Variants in ANK3 observed in about 807,000 individuals in gnomAD.
ANK3 encodes ankyrin 3.
Under a neutral mutation model 370.9 loss-of-function variants are expected in ANK3, and 57 were observed. The ratio of observed to expected loss-of-function variants is 0.15; its 90% CI spans 0.12 to 0.19. The LOEUF (loss-of-function observed/expected upper bound fraction) is 0.19. Among genes scored for constraint, ANK3 ranks in the 10% least tolerant of loss-of-function variants. The probability of loss-of-function intolerance (pLI) is 1.00; values close to 1 mark genes in which losing one functional copy is unlikely to be tolerated. For missense variants in ANK3, 4,439 were observed against 5,302.1 expected (o/e 0.84, Z 5.06); for synonymous variants, 1,929 against 1,946.3 (o/e 0.99, Z 0.23).
At chr10:60,418,361 C>A (rs959659609) in intron 2 of ANK3, among the ~76,000 whole-genome samples, 6 of 152,162 alleles carry the variant, frequency 3.9e-5, no homozygotes, top group Non-Finnish European at 7.3e-5. Flanking sequence ...CCCTCATCTG[C>A]TACACCTGCG....
At chr10:60,348,519 G>C (rs933690642) in intron 1 of ANK3, among the ~76,000 whole-genome samples, 1 of 152,092 alleles carries the variant, frequency 6.6e-6, no homozygotes, top group Non-Finnish European at 1.5e-5. Context: ...AAACAAATTA[G>C]ATATTTAACT....
intron 1 of ANK3, among the ~76,000 whole-genome samples, chr10:60,653,403 T>A (rs965440241): frequency 4.6e-5 from 7 of 152,200 alleles, no homozygotes; most frequent in Non-Finnish European, 1.0e-4. Flanking sequence ...AGTATTTTTT[T>A]AAAAGACTTT....
Position 60,278,825 on chromosome 10 carries a change from C to A in ANK3, c.363G>T (p.Glu121Asp). The A allele has an allele frequency of 6.2e-7, 1 of 1,613,992 alleles. No homozygotes were observed. The highest frequency in any genetic ancestry group is 8.5e-7 in the Non-Finnish European group (1 of 1,179,948). Residue 121 changes from glutamate to aspartate, a missense_variant, in exon 4 of 44, where the codon GAG becomes GAT. Physicochemically the swap from Glu to Asp is conservative, Grantham distance 45. Coordinates refer to ENST00000280772, the MANE Select transcript of ANK3 (RefSeq NM_020987.5). ...LHIASLAGQA[E>D]VVKVLVTNGA... ...CATTTGTAACCAAGACTTTTACCAC[C>A]TCTGCTTGCCCAGCCAAAGATGCGA...
At chr10:60,033,414 C>A (rs929301137) in intron 43 of ANK3, among the ~76,000 whole-genome samples, 3 of 146,896 alleles carry the variant, frequency 2.0e-5, no homozygotes, top group African/African-American at 7.6e-5. Flanking sequence ...ACTCAGGAGG[C>A]TGAGGCAGGA....
rs560531208 is a variant in ANK3 at position 60,173,050 on chromosome 10, A to G, written c.2283+38T>C. 1.6e-5 allele frequency: 26 copies of G among 1,609,480 alleles called. No individual in the cohort carries two copies. The East Asian group carries it at 5.8e-4, about 36-fold the overall frequency. ...TTCTTAATTCCTTTGAAGCAAAAAT[A>G]AATGATTCTGGCAGAAACAAAAAAG... On this transcript the variant is annotated intron_variant, in intron 19 of 43. Transcript: ENST00000280772.
At chr10:60,511,656 T>A (rs1199836625) in intron 2 of ANK3, among the ~76,000 whole-genome samples, 2 of 152,104 alleles carry the variant, frequency 1.3e-5, no homozygotes, top group Admixed American at 6.6e-5. Context: ...CAGCCTCTTA[T>A]GACACACATT....
At chr10:60,104,951 G>T (rs1000318668) in intron 28 of ANK3, among the ~76,000 whole-genome samples, 3 of 152,130 alleles carry the variant, frequency 2.0e-5, no homozygotes, top group Admixed American at 6.6e-5. Flanking sequence ...TTTGCCCAAG[G>T]TCATTCCTCA....
chr10:60,084,560 G>T, intron 32 of ANK3, 42 bp downstream of exon 32: 1 of 1,484,882 alleles, frequency 6.7e-7, no homozygotes, highest in East Asian at 2.3e-5. Flanking sequence ...CCTCATATCT[G>T]GAGTACGTAA....
chr10:60,712,664 T>A (rs919511155), intron 1 of ANK3, among the ~76,000 whole-genome samples: 1 of 152,120 alleles, frequency 6.6e-6, no homozygotes, highest in Non-Finnish European at 1.5e-5. Flanking sequence ...AGACAGAGAC[T>A]GTTAGAATGA....
intron 18 of ANK3, among the ~76,000 whole-genome samples, chr10:60,176,328 G>A (rs2132326302): frequency 7.4e-6 from 1 of 135,210 alleles, no homozygotes; most frequent in Admixed American, 8.2e-5. Flanking sequence ...TCATGCCCAT[G>A]TACTCCAGCC....
In ANK3 at chr10:60,667,796, C is replaced by T. The variant is rs78921996; in HGVS notation, c.58-52572G>A. Among the ~76,000 whole-genome samples the T allele has an allele frequency of 2.3e-3, 350 of 151,482 alleles. 4 individuals carry two copies. The East Asian group carries it at 0.023, about 10-fold the overall frequency. On this transcript the variant is annotated intron_variant, in intron 1 of 43. Coordinates refer to the ANK3 transcript ENST00000373827. ...TGGTCAATCCTCAGCTCAGTTCTATCCTCAATAATTTGTATCAGTGTCCCT... is the reference window on the plus strand; with the variant it reads ...TGGTCAATCCTCAGCTCAGTTCTATTCTCAATAATTTGTATCAGTGTCCCT...
intron 6 of ANK3, among the ~76,000 whole-genome samples, chr10:60,262,988 G>A (rs954081228): frequency 6.6e-6 from 1 of 152,188 alleles, no homozygotes; most frequent in African/African-American, 2.4e-5. Context: ...GGGGAGAGGA[G>A]GGATTGGGGA....
In ANK3 at chr10:60,043,786, A is replaced by T. The variant is rs2076509117; in HGVS notation, c.13066-1027T>A. ...AGCACTGCTCTGAGGTTTGGTGGTG[A>T]ATGGTGAAGGTTTTATCTTCTTTCT... On this transcript the variant is annotated intron_variant, in intron 42 of 43. Transcript: ENST00000280772. 3 of 985,394 alleles carry T rather than the reference A, an allele frequency of 3.0e-6. No homozygotes were observed. In the South Asian group the frequency reaches 1.4e-4, roughly 46 times the overall value. 61.0% of individuals were successfully genotyped at this position (985,394 alleles called of 1,614,324 possible). A position where few individuals can be genotyped will look rare whatever the true frequency, so the allele number is the denominator to read the frequency against.
intron 21 of ANK3, among the ~76,000 whole-genome samples, chr10:60,171,775 T>C (rs529459249): frequency 6.6e-6 from 1 of 152,320 alleles, no homozygotes; most frequent in South Asian, 2.1e-4. Context: ...AAACAGCCTA[T>C]TGTGTTTCTT....
intron 16 of ANK3, among the ~76,000 whole-genome samples, chr10:60,188,034 T>C (rs1402152032): frequency 6.6e-6 from 1 of 152,204 alleles, no homozygotes; most frequent in African/African-American, 2.4e-5. Flanking sequence ...TGTTTATTTA[T>C]CTGTCCCCTC....
intron 1 of ANK3, among the ~76,000 whole-genome samples, chr10:60,338,904 G>A (rs146544559): frequency 3.6e-4 from 55 of 151,956 alleles, no homozygotes; most frequent in East Asian, 1.8e-3. Context: ...TTACCTGAAA[G>A]TTTTGTTTGT....
chr10:60,390,779 A>C (rs1369183940), upstream of ANK3, among the ~76,000 whole-genome samples: 1 of 132,062 alleles, frequency 7.6e-6, no homozygotes. Context: ...CAACAATTTC[A>C]CCAAGAAAAT....
Position 60,063,201 on chromosome 10 carries a change from G to A in ANK3, c.12505C>T (p.Leu4169=), listed in dbSNP as rs1157634919. 5.6e-6 allele frequency: 9 copies of A among 1,613,362 alleles called. No individual in the cohort carries two copies. The highest frequency in any genetic ancestry group is 7.6e-6 in the Non-Finnish European group (9 of 1,179,774). The change falls in exon 40 of 44, where the codon CTG becomes TTG. Residue 4169 remains leucine (L), a synonymous_variant. Transcript: ENST00000280772. ...TAATCAAATATTGGTCCTTCTAGCA[G>A]TGTCACTATATCTATTCGATTAATT... ...TKINRIDIVT[L]LEGPIFDYGN...
intron 7 of ANK3, among the ~76,000 whole-genome samples, chr10:60,249,289 A>G (rs2097607051): frequency 6.6e-6 from 1 of 152,348 alleles, no homozygotes; most frequent in South Asian, 2.1e-4. Context: ...TAATGATATT[A>G]GATTTCCTGA....
Sources: gnomAD v4.1 joint callset for allele counts (sites outside exome capture counted in the v4.1 genomes callset) on GRCh38, gnomAD v4.1.1 for gene constraint, MANE v1.5 for transcripts, NCBI Gene and HGNC (gene_info 2026-07-23, HGNC 2026-07-21) for gene names.